The following RFTN1 variants were observed in gnomAD, a reference collection of about 807,000 sequenced individuals.
RFTN1 encodes the protein raftlin.
RFTN1 carries 26 observed loss-of-function variants against 46.5 expected under a neutral mutation model. That is an observed-to-expected ratio of 0.56 (90% CI 0.41 to 0.78). The LOEUF (loss-of-function observed/expected upper bound fraction) is 0.78, where lower values mean the gene tolerates loss of function less well. RFTN1 is among the 30% of genes least tolerant of loss of function. RFTN1 has a pLI of 0.00. For missense variants in RFTN1, 693 were observed against 718.7 expected, an observed-to-expected ratio of 0.96 and a Z score of 0.41; for synonymous variants, 261 against 284.2, an observed-to-expected ratio of 0.92 and a Z score of 0.82.
chr3:16,444,655 A>G (rs2075694911), intron 2 of RFTN1, among the ~76,000 whole-genome samples: 1 of 152,256 alleles, frequency 6.6e-6, no homozygotes. Flanking sequence ...AATGAATACA[A>G]ATAATTGTAA....
chr3:16,434,508 T>C (rs1309783768), intron 2 of RFTN1, among the ~76,000 whole-genome samples: 3 of 151,990 alleles, frequency 2.0e-5, no homozygotes, highest in East Asian at 1.9e-4. Flanking sequence ...TGAGCCATGA[T>C]AGGGCCACTG....
intron 6 of RFTN1, among the ~76,000 whole-genome samples, chr3:16,368,620 G>A (rs690297): frequency 0.46 from 68,928 of 149,674 alleles, 16,186 homozygotes; most frequent in Non-Finnish European, 0.5. Flanking sequence ...GCAGTGAGCC[G>A]AGATCGCGCC....
rs988798894 is a variant in RFTN1, at chr3:16,426,862, T to C, written c.332+6989A>G. 6.6e-6 allele frequency among the ~76,000 whole-genome samples: 1 copy of C among 152,190 alleles called. No homozygotes were observed. The highest frequency in any genetic ancestry group is 1.5e-5 in the Non-Finnish European group (1 of 68,036). On this transcript the variant is annotated intron_variant, in intron 3 of 9. Coordinates refer to ENST00000334133, the MANE Select transcript of RFTN1 (RefSeq NM_015150.2). The surrounding 1 kb of genome is among the most constrained non-coding windows in gnomAD (Gnocchi z 5.9). Reference sequence around the variant, plus strand: ...CAGGGCATGGTTTTATCCCACTCAATTCATGCAAAATCTATTGAGCAATAT... The same window carrying C: ...CAGGGCATGGTTTTATCCCACTCAACTCATGCAAAATCTATTGAGCAATAT...
chr3:16,445,481 T>TCACACACACACACACA (rs752631378), intron 2 of RFTN1, among the ~76,000 whole-genome samples: 4 of 55,042 alleles, frequency 7.3e-5, no homozygotes, highest in South Asian at 7.6e-4. Flanking sequence ...TCTCTCTCTC[T>TCACACACACACACACA]CTCACACACA....
In RFTN1 at chr3:16,476,954, G is replaced by A. The variant is rs114277573; in HGVS notation, c.145+16771C>T. On this transcript the variant is annotated intron_variant, in intron 2 of 9. Transcript: ENST00000334133. The stretch of plus-strand genomic sequence containing the variant: ...ATTTCTTAGTCATAAGGCGGATGAC[G>A]ACACCAAGATTTCCCATTTTCTCTC... Among the ~76,000 whole-genome samples the A allele has an allele frequency of 8.2e-3, 1,253 of 152,172 alleles. 5 individuals carry two copies. The highest frequency in any genetic ancestry group is 0.012 in the Non-Finnish European group (785 of 68,004).
At chr3:16,396,427 A>C (rs909694514) in intron 4 of RFTN1, among the ~76,000 whole-genome samples, 26 of 152,190 alleles carry the variant, frequency 1.7e-4, no homozygotes, top group African/African-American at 5.1e-4. Context: ...AGCACAGCAA[A>C]TTCTATCTAC....
intron 7 of RFTN1, 40 bp downstream of exon 7, chr3:16,357,892 G>T: frequency 7.8e-7 from 1 of 1,276,402 alleles, no homozygotes; most frequent in Non-Finnish European, 1.1e-6. Flanking sequence ...AACAAGTGCT[G>T]TCTAAACAAA....
At chr3:16,501,753 C>T (rs1575381247) in intron 1 of RFTN1, among the ~76,000 whole-genome samples, 2 of 152,228 alleles carry the variant, frequency 1.3e-5, no homozygotes, top group African/African-American at 2.4e-5. Flanking sequence ...AACGACATCT[C>T]TCTAGATCCA....
chr3:16,370,704 C>T lies in RFTN1; in HGVS notation c.827-425G>A, dbSNP rs2073461121. Among the ~76,000 whole-genome samples, 1 of 152,208 alleles carries T rather than the reference C, an allele frequency of 6.6e-6. No homozygotes were observed. Among genetic ancestry groups the T allele is most frequent in the Admixed American group, 6.5e-5 (1 of 15,284 alleles). On this transcript the variant is annotated intron_variant, in intron 5 of 9. Transcript: ENST00000334133. This position sits in a 1 kb window ranked among gnomAD's most constrained non-coding sequence, Gnocchi z 5.5. ...ACAGAGACACATAAAAACAAAAATA[C>T]TGCTCTAATTCCAGGAACCTTGTAC...
At chr3:16,397,582 A>T (rs1038121275) in intron 4 of RFTN1, among the ~76,000 whole-genome samples, 13 of 152,360 alleles carry the variant, frequency 8.5e-5, no homozygotes, top group Admixed American at 2.6e-4. Flanking sequence ...CATGCTGTAA[A>T]CCTTAAATAT....
chr3:16,502,284 C>A lies in RFTN1; in HGVS notation c.-8-8407G>T, dbSNP rs559399898. 2.0e-5 allele frequency among the ~76,000 whole-genome samples: 3 copies of A among 151,510 alleles called. No homozygotes were observed. The South Asian group carries it at 6.3e-4, about 32-fold the overall frequency. On this transcript the variant is annotated intron_variant, in intron 1 of 9. Coordinates refer to ENST00000334133, the MANE Select transcript of RFTN1 (RefSeq NM_015150.2). ...GCTGAAGAGGGAACATTGCTTGAGC[C>A]TAGGATGTTGAGGCTGCAGTGAGCC...
chr3:16,505,669 G>T (rs1413715566), intron 1 of RFTN1, among the ~76,000 whole-genome samples: 1 of 152,128 alleles, frequency 6.6e-6, no homozygotes, highest in Non-Finnish European at 1.5e-5. Context: ...GAATGGATGA[G>T]GTCCACCCAC....
At chr3:16,323,155 G>T (rs1425871416) in intron 9 of RFTN1, among the ~76,000 whole-genome samples, 1 of 152,134 alleles carries the variant, frequency 6.6e-6, no homozygotes, top group East Asian at 1.9e-4. Context: ...CATCCTTCTG[G>T]CCGGCCCAGC....
intron 7 of RFTN1, among the ~76,000 whole-genome samples, chr3:16,332,922 A>G (rs1318227001): frequency 6.6e-6 from 1 of 152,198 alleles, no homozygotes; most frequent in Non-Finnish European, 1.5e-5. Context: ...TGCATTAGTG[A>G]CTATTGAACC....
In RFTN1 at chr3:16,400,398, C is replaced by T. The variant is rs771412957; in HGVS notation, c.441+8977G>A. On this transcript the variant is annotated intron_variant, in intron 4 of 9. Transcript: ENST00000334133. The surrounding 1 kb of genome is among the most constrained non-coding windows in gnomAD (Gnocchi z 4.5). Reference sequence around the variant, plus strand: ...AACACTGCCAGCCTGGGGCAGGCCCCTTGCCATGTTCTACTCGACAGCGCT... The same window carrying T: ...AACACTGCCAGCCTGGGGCAGGCCCTTTGCCATGTTCTACTCGACAGCGCT... Among the ~76,000 whole-genome samples the T allele has an allele frequency of 9.9e-5, 15 of 152,218 alleles. No homozygotes were observed. Among genetic ancestry groups the T allele is most frequent in the Non-Finnish European group, 1.6e-4 (11 of 68,026 alleles).
chr3:16,493,089 C>T (rs957664965), intron 2 of RFTN1, among the ~76,000 whole-genome samples: 3 of 152,200 alleles, frequency 2.0e-5, no homozygotes, highest in African/African-American at 7.2e-5. Context: ...AAGTTTCATA[C>T]GAGGAGAGAA....
At position 16,323,425 on chromosome 3, in the gene RFTN1, A is replaced by C. The variant is rs1484987832; in HGVS notation, c.1283T>G (p.Phe428Cys). 1 of 1,612,446 alleles carries C rather than the reference A, an allele frequency of 6.2e-7. No individual in the cohort carries two copies. Residue 428 changes from phenylalanine to cysteine, a missense_variant, in exon 9 of 10, where the codon TTT (phenylalanine) becomes TGT (cysteine). Physicochemically the swap from Phe to Cys is radical, Grantham distance 205. Coordinates refer to ENST00000334133, the MANE Select transcript of RFTN1 (RefSeq NM_015150.2). ...CTGAGGTAGACAAGGTCTCTGAAGAAAGACAATCTGCTTGGTGGATACACT... is the reference window on the plus strand; with the variant it reads ...CTGAGGTAGACAAGGTCTCTGAAGACAGACAATCTGCTTGGTGGATACACT... ...EGSVSTKQIV[F>C]LQRPCLPQKI...
chr3:16,511,332 G>A lies in RFTN1; in HGVS notation c.-9+2110C>T, dbSNP rs550382729. ...CATATTGAAGTCAAAATAATAAAATGTGTACTAAAATGTTTAGGAATGACC... is the reference window on the plus strand; with the variant it reads ...CATATTGAAGTCAAAATAATAAAATATGTACTAAAATGTTTAGGAATGACC... On this transcript the variant is annotated intron_variant, in intron 1 of 9. Coordinates refer to ENST00000334133, the MANE Select transcript of RFTN1 (RefSeq NM_015150.2). Among the ~76,000 whole-genome samples, 5 of 152,264 alleles carry A rather than the reference G, an allele frequency of 3.3e-5. No individual in the cohort carries two copies. The East Asian group carries it at 9.6e-4, about 29-fold the overall frequency.
rs2076828393 is a variant in RFTN1, at chr3:16,507,623, T to TACATAC, written c.-9+5818_-9+5819insGTATGT. ...AAACACACACACACACACACACACA[T>TACATAC]ACACACACACATGCACACATCCACA... On this transcript the variant is annotated intron_variant, in intron 1 of 9. Transcript: ENST00000334133. The surrounding 1 kb of genome is among the most constrained non-coding windows in gnomAD (Gnocchi z 7.1). 9.5e-6 allele frequency among the ~76,000 whole-genome samples: 1 copy of TACATAC among 105,114 alleles called. No individual in the cohort carries two copies. The highest frequency in any genetic ancestry group is 2.7e-4 in the East Asian group (1 of 3,688). The allele number at this position is 105,114 out of a possible 152,430, so 69.0% of individuals were successfully genotyped here.
Sources: gnomAD v4.1 joint callset for allele counts (sites outside exome capture counted in the v4.1 genomes callset) on GRCh38, gnomAD v4.1.1 for gene constraint, Gnocchi (gnomAD v3.1) non-coding constraint, MANE v1.5 for transcripts, NCBI Gene and HGNC (gene_info 2026-07-23, HGNC 2026-07-21) for gene names.